Variants in PCBP3 observed in about 807,000 individuals in gnomAD.
The protein encoded by PCBP3 is poly(rC)-binding protein 3.
PCBP3 carries 25 observed loss-of-function variants against 52.7 expected under a neutral mutation model. The ratio of observed to expected loss-of-function variants is 0.47; its 90% CI spans 0.35 to 0.66. PCBP3 has a LOEUF of 0.66. Ranked by LOEUF, PCBP3 falls within the 30% of genes least tolerant of loss-of-function variation. The pLI is 0.01. For missense variants in PCBP3, 391 were observed against 490.3 expected (o/e 0.80, Z 1.91); for synonymous variants, 162 against 183.0 (o/e 0.89, Z 0.93).
intron 2 of PCBP3, among the ~76,000 whole-genome samples, chr21:45,732,236 T>A (rs944156045): frequency 3.9e-5 from 6 of 152,188 alleles, no homozygotes; most frequent in Non-Finnish European, 8.8e-5. Flanking sequence ...TCTGAAAAGT[T>A]CTCTGTTCAC....
intron 2 of PCBP3, among the ~76,000 whole-genome samples, chr21:45,711,422 G>T (rs1482704635): frequency 6.6e-6 from 1 of 152,152 alleles, no homozygotes; most frequent in Non-Finnish European, 1.5e-5. Flanking sequence ...TTGCCACACG[G>T]ATTATTCTAG....
At chr21:45,898,484 G>T (rs1307735642) in intron 6 of PCBP3, among the ~76,000 whole-genome samples, 1 of 136,964 alleles carries the variant, frequency 7.3e-6, no homozygotes, top group African/African-American at 2.9e-5. Flanking sequence ...TCCTTCCACA[G>T]ACCCCTCTGC....
At chr21:45,876,296 G>A (rs1423069074) in intron 5 of PCBP3, among the ~76,000 whole-genome samples, 1 of 151,942 alleles carries the variant, frequency 6.6e-6, no homozygotes, top group African/African-American at 2.4e-5. Context: ...TGAAAGAATT[G>A]GAACATTTGT....
intron 1 of PCBP3, among the ~76,000 whole-genome samples, chr21:45,661,383 A>G (rs1449216185): frequency 6.6e-6 from 1 of 152,074 alleles, no homozygotes; most frequent in Non-Finnish European, 1.5e-5. Context: ...CTTAGCTCCC[A>G]TATTCTCTCG....
intron 3 of PCBP3, chr21:45,747,880 T>C (rs1473938293): frequency 2.6e-5 from 4 of 152,396 alleles, no homozygotes; most frequent in African/African-American, 9.6e-5. Context: ...CTGGACCTTC[T>C]CTGCTTTGCT....
intron 4 of PCBP3, among the ~76,000 whole-genome samples, chr21:45,759,399 C>T (rs533256762): frequency 1.6e-4 from 24 of 150,968 alleles, no homozygotes; most frequent in Middle Eastern, 3.4e-3. Context: ...TGATATCATC[C>T]GGAACAGCTT....
chr21:45,913,942 T>C lies in PCBP3; in HGVS notation c.601-9T>C, dbSNP rs1338704650. 3 of 1,606,108 alleles carry C rather than the reference T, an allele frequency of 1.9e-6. No individual in the cohort carries two copies. The highest frequency in any genetic ancestry group is 2.5e-6 in the Non-Finnish European group (3 of 1,176,864). On this transcript the variant is annotated splice_polypyrimidine_tract_variant and intron_variant, in intron 11 of 17. Transcript: ENST00000681687. ...ACGCTCTCTCTCCCTCTCCTGTCCC[T>C]TTTCCTAGTCCCCACCGAAAGGTGC...
chr21:45,814,554 GTGA>G (rs2092785109), intron 4 of PCBP3, among the ~76,000 whole-genome samples: 1 of 114,582 alleles, frequency 8.7e-6, no homozygotes, highest in Non-Finnish European at 1.7e-5. Context: ...TGAGTGGTGA[GTGA>G]TGAGTGATGA....
intron 2 of PCBP3, among the ~76,000 whole-genome samples, chr21:45,720,143 G>A (rs1198912971): frequency 2.6e-5 from 4 of 152,052 alleles, no homozygotes; most frequent in Admixed American, 1.3e-4. Context: ...ATAGGTATAC[G>A]TCTGCCATGG....
At chr21:45,899,868 T>C (rs774241573) in intron 7 of PCBP3, among the ~76,000 whole-genome samples, 25 of 152,308 alleles carry the variant, frequency 1.6e-4, no homozygotes, top group Non-Finnish European at 3.1e-4. Flanking sequence ...CGCTGCCCCC[T>C]GCCCGTGGCC....
At chr21:45,885,486 C>T (rs2095496280) in intron 5 of PCBP3, among the ~76,000 whole-genome samples, 1 of 152,108 alleles carries the variant, frequency 6.6e-6, no homozygotes, top group Non-Finnish European at 1.5e-5. Flanking sequence ...TATCCCCATC[C>T]CCTTTGTTCT....
At chr21:45,902,359 C>CTCCAAGGCTGGATGCTGCAG (rs2096080550) in intron 9 of PCBP3, among the ~76,000 whole-genome samples, 6 of 151,914 alleles carry the variant, frequency 3.9e-5, no homozygotes, top group Admixed American at 1.3e-4. Flanking sequence ...GTGGCCTGGC[C>CTCCAAGGCTGGATGCTGCAG]ACTGTCTGTA....
intron 4 of PCBP3, among the ~76,000 whole-genome samples, chr21:45,826,781 A>C (rs1391815208): frequency 1.3e-5 from 2 of 152,170 alleles, no homozygotes; most frequent in Non-Finnish European, 1.5e-5. Flanking sequence ...CAAACAAGAA[A>C]ATAAAATTCT....
chr21:45,901,446 A>C, intron 9 of PCBP3: 6 of 294,786 alleles, frequency 2.0e-5, no homozygotes, highest in East Asian at 7.9e-5. Flanking sequence ...AGCCTGGCTG[A>C]CCCTTGGGCC....
At chr21:45,935,504 C>T (rs2076794987) in intron 16 of PCBP3, 199 bp downstream of exon 16, 3 of 687,200 alleles carry the variant, frequency 4.4e-6, no homozygotes, top group Non-Finnish European at 8.0e-6. Flanking sequence ...TGTGTTTTTA[C>T]ATCCCTAAGA....
intron 2 of PCBP3, among the ~76,000 whole-genome samples, chr21:45,720,763 A>C (rs2084572979): frequency 6.6e-6 from 1 of 152,236 alleles, no homozygotes; most frequent in East Asian, 1.9e-4. Context: ...AACGTCCAGC[A>C]GCTCAGCACT....
At chr21:45,766,492 AGGAAGAACACCG>A (rs1397012008) in intron 4 of PCBP3, among the ~76,000 whole-genome samples, 4 of 152,222 alleles carry the variant, frequency 2.6e-5, no homozygotes, top group Non-Finnish European at 5.9e-5. Flanking sequence ...TGCAAAACCG[AGGAAGAACACCG>A]GCACCAGATT....
chr21:45,780,240 C>T (rs760193848), intron 4 of PCBP3, among the ~76,000 whole-genome samples: 3 of 152,170 alleles, frequency 2.0e-5, no homozygotes, highest in Non-Finnish European at 2.9e-5. Context: ...TCAAAGCATT[C>T]GTCTCAAAAT....
At chr21:45,888,044 C>T (rs1304684777) in intron 5 of PCBP3, among the ~76,000 whole-genome samples, 1 of 152,198 alleles carries the variant, frequency 6.6e-6, no homozygotes, top group Non-Finnish European at 1.5e-5. Flanking sequence ...TAACGGTTCT[C>T]AGGGTCTCTC....
Sources: gnomAD v4.1 joint callset for allele counts (sites outside exome capture counted in the v4.1 genomes callset) on GRCh38, gnomAD v4.1.1 for gene constraint, MANE v1.5 for transcripts, NCBI Gene and HGNC (gene_info 2026-07-23, HGNC 2026-07-21) for gene names.